TRIO: variants seen among roughly 807,000 people sequenced by gnomAD.
The protein encoded by TRIO is triple functional domain protein.
In TRIO, 58 loss-of-function variants were observed where a neutral mutation model predicts 351.9. That is an observed-to-expected ratio of 0.16 (90% CI 0.13 to 0.21). The LOEUF (loss-of-function observed/expected upper bound fraction) is 0.21, where lower values mean the gene tolerates loss of function less well. TRIO is among the 10% of genes least tolerant of loss of function. The pLI, the probability that TRIO is intolerant of heterozygous loss-of-function variation, is 1.00. For missense variants in TRIO, 3,201 were observed against 4,027.8 expected (o/e 0.79, Z 5.56); for synonymous variants, 1,758 against 1,595.7 (o/e 1.10, Z -2.42).
In TRIO at chr5:14,220,676, A is replaced by G. The variant is rs567246856; in HGVS notation, c.158-50149A>G. On this transcript the variant is annotated intron_variant, in intron 1 of 56. Coordinates refer to ENST00000344204, the MANE Select transcript of TRIO (RefSeq NM_007118.4). The stretch of plus-strand genomic sequence containing the variant: ...AGAAAGTTTTAGTGGTCTGGATAGA[A>G]GATCTAGCCAGCCACAGCATTCCCT... 2.6e-5 allele frequency among the ~76,000 whole-genome samples: 4 copies of G among 152,360 alleles called. No homozygotes were observed. In the East Asian group the frequency reaches 7.7e-4, roughly 29 times the overall value.
intron 1 of TRIO, among the ~76,000 whole-genome samples, chr5:14,227,629 G>A (rs560811980): frequency 3.3e-5 from 5 of 152,334 alleles, no homozygotes; most frequent in Middle Eastern, 3.4e-3. Flanking sequence ...GAAGGAAGAC[G>A]TGAGTTTAGG....
chr5:14,143,773 C>A lies in TRIO; in HGVS notation c.48C>A (p.Gly16=), dbSNP rs1396212424. The A allele has an allele frequency of 1.7e-4, 171 of 1,010,198 alleles. No individual in the cohort carries two copies. The highest frequency in any genetic ancestry group is 1.9e-4 in the Non-Finnish European group (165 of 848,148). 62.6% of individuals were successfully genotyped at this position (1,010,198 alleles called of 1,614,324 possible). The change falls in exon 1 of 57, where the codon GGC becomes GGA. Residue 16 remains glycine (G), a synonymous_variant. Coordinates refer to ENST00000344204, the MANE Select transcript of TRIO (RefSeq NM_007118.4). The part of the protein sequence containing the change: ...GGAAAPAASS[G]PAAAASAAGS... ...CCGCCGCCCCCGCCGCGTCCTCCGG[C>A]CCCGCCGCGGCGGCCAGCGCGGCTG...
At chr5:14,273,259 A>C (rs907134193) in intron 2 of TRIO, among the ~76,000 whole-genome samples, 8 of 152,246 alleles carry the variant, frequency 5.3e-5, no homozygotes, top group Non-Finnish European at 1.2e-4. Context: ...CCAAAAGATG[A>C]GTGATTTTAA....
intron 2 of TRIO, among the ~76,000 whole-genome samples, chr5:14,279,797 G>C (rs1189176511): frequency 6.6e-6 from 1 of 152,224 alleles, no homozygotes; most frequent in African/African-American, 2.4e-5. Context: ...GACTGGCAAA[G>C]CTGGACCAGT....
At chr5:14,479,443 A>C (rs531342257) in intron 42 of TRIO, 93 bp downstream of exon 42, 39 of 1,147,314 alleles carry the variant, frequency 3.4e-5, no homozygotes, top group Non-Finnish European at 4.5e-5. Context: ...CCAGGAGACT[A>C]ATTTCCAAAG....
At chr5:14,471,577 AG>A in intron 38 of TRIO, 111 bp downstream of exon 38, 1 of 1,427,272 alleles carries the variant, frequency 7.0e-7, no homozygotes, top group African/African-American at 1.4e-5. Flanking sequence ...GAGAAGCTCC[AG>A]GGCCTCTCAT....
chr5:14,451,386 AGT>A, intron 34 of TRIO, among the ~76,000 whole-genome samples: 1 of 152,348 alleles, frequency 6.6e-6, no homozygotes, highest in South Asian at 2.1e-4. Flanking sequence ...CCAGTTTGAA[AGT>A]GTAGAGATGA....
chr5:14,264,480 C>A (rs1795534608), intron 1 of TRIO, among the ~76,000 whole-genome samples: 1 of 151,724 alleles, frequency 6.6e-6, no homozygotes. Flanking sequence ...AGTCTTAATT[C>A]ATTTTATATG....
At chr5:14,251,310 A>G (rs1794733157) in intron 1 of TRIO, among the ~76,000 whole-genome samples, 1 of 152,234 alleles carries the variant, frequency 6.6e-6, no homozygotes, top group African/African-American at 2.4e-5. Context: ...CTATGCCTCT[A>G]GGGACTCTCA....
At position 14,358,399 on chromosome 5, in the gene TRIO, A is replaced by T. The variant is rs369716744; in HGVS notation, c.2216+52A>T. On this transcript the variant is annotated intron_variant, in intron 12 of 56. Transcript: ENST00000344204. ...AACAGATTCTGAAACCCTGCCTGTG[A>T]CTCCCCTTCCCCTTTTACTCTTGTG... is the stretch of plus-strand genomic sequence containing the variant. The T allele has an allele frequency of 2.6e-4, 412 of 1,592,070 alleles. 1 individual carries two copies. The highest frequency in any genetic ancestry group is 3.3e-4 in the Non-Finnish European group (380 of 1,165,080).
chr5:14,155,642 T>G (rs1322379857), intron 1 of TRIO, among the ~76,000 whole-genome samples: 1 of 152,220 alleles, frequency 6.6e-6, no homozygotes, highest in East Asian at 1.9e-4. Flanking sequence ...CCAGTTTGGG[T>G]TGCCTGATTC....
chr5:14,197,161 T>A (rs1790829172), intron 1 of TRIO, among the ~76,000 whole-genome samples: 1 of 152,212 alleles, frequency 6.6e-6, no homozygotes, highest in Non-Finnish European at 1.5e-5. Flanking sequence ...CACGACTAAG[T>A]GCTATCTGTA....
rs2152389544 is a variant in TRIO at position 14,419,972 on chromosome 5, C to T, written c.5154C>T (p.Ile1718=). Residue 1718 remains isoleucine (I), a synonymous_variant, in exon 34 of 57, where the codon ATC becomes ATT. Coordinates refer to ENST00000344204, the MANE Select transcript of TRIO (RefSeq NM_007118.4). ...TGGTCCCCTGTGGTTCACTGTGCAT[C>T]GCCCACTCCAGAAGTAGCATGGAAA... ...EGLVPCGSLC[I]AHSRSSMEME... The T allele has an allele frequency of 3.1e-6, 5 of 1,614,228 alleles. No individual in the cohort carries two copies. The highest frequency in any genetic ancestry group is 2.7e-5 in the African/African-American group (2 of 75,074).
chr5:14,392,001 A>G (rs1379819149), intron 27 of TRIO, among the ~76,000 whole-genome samples: 3 of 152,226 alleles, frequency 2.0e-5, no homozygotes, highest in Non-Finnish European at 4.4e-5. Flanking sequence ...GACAAAATTC[A>G]GCACCTGTAT....
intron 11 of TRIO, among the ~76,000 whole-genome samples, chr5:14,346,989 G>GACT (rs1561370354): frequency 6.6e-6 from 1 of 152,264 alleles, no homozygotes; most frequent in Non-Finnish European, 1.5e-5. Context: ...CAGACGTGCT[G>GACT]ACTGACAAAG....
chr5:14,397,164 C>CCTCCATA lies in TRIO; in HGVS notation c.4423+12_4423+18dup. ...CTCAGCATGCTGGAAGGTAAAGGACCCTCCATACCCCAGTGTGCATCTATG... is the reference window on the plus strand; with the variant it reads ...CTCAGCATGCTGGAAGGTAAAGGACCCTCCATACTCCATACCCCAGTGTGCATCTATG... On this transcript the variant is annotated intron_variant, in intron 29 of 56. Transcript: ENST00000344204. 6.3e-7 allele frequency: 1 copy of CCTCCATA among 1,589,772 alleles called. No individual in the cohort carries two copies. Among genetic ancestry groups the CCTCCATA allele is most frequent in the South Asian group, 1.1e-5 (1 of 86,992 alleles).
At chr5:14,230,888 G>C (rs1288840758) in intron 1 of TRIO, among the ~76,000 whole-genome samples, 5 of 152,106 alleles carry the variant, frequency 3.3e-5, no homozygotes, top group Non-Finnish European at 7.4e-5. Flanking sequence ...TTTTGAGCTG[G>C]AAAGTGATGG....
At position 14,369,514 on chromosome 5, in the gene TRIO, A is replaced by G; in HGVS notation, c.3207A>G (p.Ala1069=). 6.2e-7 allele frequency: 1 copy of G among 1,613,850 alleles called. No homozygotes were observed. The highest frequency in any genetic ancestry group is 8.5e-7 in the Non-Finnish European group (1 of 1,179,932). Residue 1069 remains alanine, a synonymous_variant, in exon 18 of 57, where the codon GCA becomes GCG. Coordinates refer to ENST00000344204, the MANE Select transcript of TRIO (RefSeq NM_007118.4). ...GCAAGCACCTGGAGCAGAAGGAGGC[A>G]TTCCTGAAGGTAGGGGCAGCGCTGC... The part of the protein sequence containing the change: ...MISKHLEQKE[A]FLKACTLARR...
intron 33 of TRIO, among the ~76,000 whole-genome samples, chr5:14,417,344 G>T (rs1749732104): frequency 6.6e-6 from 1 of 152,230 alleles, no homozygotes; most frequent in Non-Finnish European, 1.5e-5. Flanking sequence ...CTTTGTGGTT[G>T]TCTAGTGGAC....
Sources: allele counts gnomAD v4.1 joint callset (sites outside exome capture counted in the v4.1 genomes callset), GRCh38; gene constraint gnomAD v4.1.1; transcripts MANE v1.5; gene names NCBI Gene and HGNC (gene_info 2026-07-23, HGNC 2026-07-21).